The following CTNNA2 variants were observed in gnomAD, a reference collection of about 807,000 sequenced individuals.
The protein encoded by CTNNA2 is catenin alpha 2.
A neutral mutation model predicts 101.0 loss-of-function variants in CTNNA2; 42 were observed. The observed-to-expected ratio is 0.42, with a 90% CI of 0.32 to 0.54. The LOEUF is 0.54. Ranked by LOEUF, CTNNA2 falls within the 20% of genes least tolerant of loss-of-function variation. The pLI is 0.14. For missense variants in CTNNA2, 871 were observed against 1,223.1 expected (o/e 0.71, Z 4.29); for synonymous variants, 450 against 456.4 (o/e 0.99, Z 0.18).
At chr2:79,774,639 G>A (rs192022230) in intron 3 of CTNNA2, among the ~76,000 whole-genome samples, 24 of 152,270 alleles carry the variant, frequency 1.6e-4, no homozygotes, top group Admixed American at 1.0e-3. Context: ...AGAAGGCATG[G>A]TTATAAGCAA....
At chr2:79,555,816 T>C (rs893770889) in intron 1 of CTNNA2, among the ~76,000 whole-genome samples, 1 of 152,098 alleles carries the variant, frequency 6.6e-6, no homozygotes, top group African/African-American at 2.4e-5. Context: ...TTCATACAGC[T>C]CCTTATTCAA....
chr2:79,316,506 A>G (rs979535965), intron 3 of CTNNA2, among the ~76,000 whole-genome samples: 3 of 152,034 alleles, frequency 2.0e-5, no homozygotes, highest in African/African-American at 4.8e-5. Context: ...GATCAGTTTG[A>G]ATAAATTGGC....
At chr2:79,667,887 G>A (rs1682534360) in intron 2 of CTNNA2, among the ~76,000 whole-genome samples, 1 of 152,164 alleles carries the variant, frequency 6.6e-6, no homozygotes, top group Non-Finnish European at 1.5e-5. Flanking sequence ...TGCATGGTTT[G>A]TAGTATTTTA....
rs566737768 is a variant in CTNNA2 at position 80,204,124 on chromosome 2, C to A, written c.1057-189087C>A. Among the ~76,000 whole-genome samples, 8 of 152,310 alleles carry A rather than the reference C, an allele frequency of 5.3e-5. No individual in the cohort carries two copies. In the South Asian group the frequency reaches 1.0e-3, roughly 20 times the overall value. ...CGGACCACAAAATCATTTTTTCCTCCTAAACCTCTGGGCCTGTGATGGGAG... is the reference window on the plus strand; with the variant it reads ...CGGACCACAAAATCATTTTTTCCTCATAAACCTCTGGGCCTGTGATGGGAG... On this transcript the variant is annotated intron_variant, in intron 7 of 18. Transcript: ENST00000402739.
At chr2:79,904,266 G>C (rs1341317896) in intron 6 of CTNNA2, among the ~76,000 whole-genome samples, 1 of 151,994 alleles carries the variant, frequency 6.6e-6, no homozygotes, top group Non-Finnish European at 1.5e-5. Flanking sequence ...TGCTTGATTA[G>C]AGAGTCAACC....
At chr2:80,012,656 G>T (rs905341663) in intron 7 of CTNNA2, among the ~76,000 whole-genome samples, 16 of 152,130 alleles carry the variant, frequency 1.1e-4, no homozygotes, top group Non-Finnish European at 2.2e-4. Flanking sequence ...CATTATTTTT[G>T]AAGTCAAATG....
At chr2:80,271,015 A>G (rs1031581890) in intron 7 of CTNNA2, among the ~76,000 whole-genome samples, 2 of 152,158 alleles carry the variant, frequency 1.3e-5, no homozygotes, top group African/African-American at 4.8e-5. Flanking sequence ...CACCCCCAAG[A>G]AGACACAAGA....
intron 3 of CTNNA2, among the ~76,000 whole-genome samples, chr2:79,842,148 A>G (rs1679868120): frequency 1.3e-5 from 2 of 152,152 alleles, no homozygotes; most frequent in African/African-American, 4.8e-5. Context: ...AAACATATAC[A>G]TTTGGCATTG....
chr2:80,248,531 G>T (rs1671515872), intron 7 of CTNNA2, among the ~76,000 whole-genome samples: 1 of 152,126 alleles, frequency 6.6e-6, no homozygotes. Context: ...TCCCATTAGT[G>T]TGTCATTTCA....
At chr2:80,462,665 G>A (rs1684540458) in intron 9 of CTNNA2, among the ~76,000 whole-genome samples, 1 of 114,240 alleles carries the variant, frequency 8.8e-6, no homozygotes, top group Non-Finnish European at 1.6e-5. Flanking sequence ...CGAATAAAGA[G>A]CTGCTGGGTC....
At chr2:79,306,925 A>G (rs1199827222) in intron 2 of CTNNA2, among the ~76,000 whole-genome samples, 2 of 152,128 alleles carry the variant, frequency 1.3e-5, no homozygotes, top group Non-Finnish European at 2.9e-5. Context: ...CTTTTGTGGA[A>G]TCCCATTCAT....
chr2:79,320,010 T>TA (rs1405131082), intron 3 of CTNNA2: 3 of 152,164 alleles, frequency 2.0e-5, no homozygotes, highest in Non-Finnish European at 4.4e-5. Flanking sequence ...TATCCTTCAG[T>TA]AAGTATTTAT....
At chr2:80,139,914 G>A (rs1702905031) in intron 7 of CTNNA2, among the ~76,000 whole-genome samples, 1 of 152,168 alleles carries the variant, frequency 6.6e-6, no homozygotes, top group African/African-American at 2.4e-5. Context: ...CTGTCCCGGT[G>A]AAGTCTCCCA....
chr2:80,602,775 A>G (rs1697661270), intron 15 of CTNNA2, among the ~76,000 whole-genome samples: 1 of 152,062 alleles, frequency 6.6e-6, no homozygotes, highest in Non-Finnish European at 1.5e-5. Context: ...CTGCAAAATC[A>G]AACTACTTTG....
intron 4 of CTNNA2, among the ~76,000 whole-genome samples, chr2:79,447,737 C>G (rs753109277): frequency 3.9e-5 from 6 of 151,984 alleles, no homozygotes; most frequent in Non-Finnish European, 8.8e-5. Context: ...GGGTTGCAAA[C>G]CACACTTTAT....
At chr2:79,482,846 A>C (rs113947161) in intron 4 of CTNNA2, among the ~76,000 whole-genome samples, 1 of 152,170 alleles carries the variant, frequency 6.6e-6, no homozygotes, top group Admixed American at 6.6e-5. Context: ...TTTTTGGTGA[A>C]GTCTGAAGAT....
At chr2:80,253,417 A>G (rs1194130067) in intron 7 of CTNNA2, among the ~76,000 whole-genome samples, 1 of 152,156 alleles carries the variant, frequency 6.6e-6, no homozygotes, top group Non-Finnish European at 1.5e-5. Flanking sequence ...TACCTGCATA[A>G]TAGTTCTTAA....
intron 2 of CTNNA2, among the ~76,000 whole-genome samples, chr2:79,652,254 T>C (rs1314342182): frequency 2.1e-5 from 3 of 143,798 alleles, no homozygotes; most frequent in Admixed American, 2.1e-4. Flanking sequence ...TTTTTTTTTT[T>C]ACCAAATTAT....
intron 7 of CTNNA2, among the ~76,000 whole-genome samples, chr2:80,374,986 G>A (rs1196352483): frequency 2.0e-5 from 3 of 152,038 alleles, no homozygotes; most frequent in African/African-American, 7.2e-5. Context: ...TTGAAATGGA[G>A]TGTGGTGGCA....
Sources: allele counts gnomAD v4.1 joint callset (sites outside exome capture counted in the v4.1 genomes callset), GRCh38; gene constraint gnomAD v4.1.1; transcripts MANE v1.5; gene names NCBI Gene and HGNC (gene_info 2026-07-23, HGNC 2026-07-21).